SLC9B1: variants seen among roughly 807,000 people sequenced by gnomAD.
SLC9B1 encodes solute carrier family 9 member B1.
In SLC9B1, 32 loss-of-function variants were observed where a neutral mutation model predicts 51.7. The ratio of observed to expected loss-of-function variants is 0.62; its 90% confidence interval spans 0.47 to 0.83. The LOEUF (loss-of-function observed/expected upper bound fraction) is 0.83, where lower values mean the gene tolerates loss of function less well. Among genes scored for constraint, SLC9B1 ranks in the 40% least tolerant of loss-of-function variants. The pLI, the probability that SLC9B1 is intolerant of heterozygous loss-of-function variation, is 0.00. For synonymous variants in SLC9B1, 145 were observed against 212.7 expected, an observed-to-expected ratio of 0.68 and a Z score of 2.77; for missense variants, 406 against 613.2, an observed-to-expected ratio of 0.66 and a Z score of 3.57.
At chr4:102,927,012 T>C (rs1736219065) in intron 7 of SLC9B1, among the ~76,000 whole-genome samples, 1 of 152,226 alleles carries the variant, frequency 6.6e-6, no homozygotes, top group South Asian at 2.1e-4. Context: ...GGATTGCCTA[T>C]TTAATAAATG....
intron 7 of SLC9B1, among the ~76,000 whole-genome samples, chr4:102,918,588 T>TG (rs1248561117): frequency 6.6e-6 from 1 of 152,170 alleles, no homozygotes; most frequent in South Asian, 2.1e-4. Context: ...TATTAAGAGG[T>TG]GGGGCATTTT....
chr4:102,942,210 CACAA>C (rs1419237587), intron 6 of SLC9B1, among the ~76,000 whole-genome samples: 5 of 152,104 alleles, frequency 3.3e-5, no homozygotes, highest in African/African-American at 1.2e-4. Context: ...TCATAGATGA[CACAA>C]ACAAATAGAA....
intron 1 of SLC9B1, among the ~76,000 whole-genome samples, chr4:103,014,709 G>GT (rs1741234426): frequency 6.6e-6 from 1 of 152,134 alleles, no homozygotes; most frequent in Non-Finnish European, 1.5e-5. Flanking sequence ...TCTTTGCATT[G>GT]TAAGAGGCCA....
chr4:103,002,662 A>C (rs755229756), intron 1 of SLC9B1, among the ~76,000 whole-genome samples: 11 of 152,246 alleles, frequency 7.2e-5, no homozygotes, highest in Non-Finnish European at 1.5e-4. Flanking sequence ...GAAATAGCCC[A>C]TTGGAAATCA....
chr4:102,954,433 CTT>C lies in SLC9B1; in HGVS notation c.212-5008_212-5007del, dbSNP rs1005408601. On this transcript the variant is annotated intron_variant, in intron 3 of 11. Transcript: ENST00000296422. ...ATCAAGGATATTGGTCTAAAATTCT[CTT>C]TTTTGGTTGTGTCTCAGGCAAAAAT... 3.6e-5 allele frequency among the ~76,000 whole-genome samples: 2 copies of C among 55,426 alleles called. 1 individual carries two copies. Among genetic ancestry groups the C allele is most frequent in the African/African-American group, 2.2e-4 (2 of 9,252 alleles). The allele number at this position is 55,426 out of a possible 152,430, so 36.4% of individuals were successfully genotyped here.
intron 3 of SLC9B1, among the ~76,000 whole-genome samples, chr4:102,989,581 A>G (rs1464714660): frequency 1.3e-5 from 2 of 152,020 alleles, no homozygotes; most frequent in Non-Finnish European, 2.9e-5. Flanking sequence ...AAGTATGACA[A>G]ATATTAAAAC....
intron 7 of SLC9B1, among the ~76,000 whole-genome samples, chr4:102,927,531 T>C (rs1736248085): frequency 6.6e-6 from 1 of 152,082 alleles, no homozygotes; most frequent in Non-Finnish European, 1.5e-5. Context: ...TGAGATATCA[T>C]CTCATGCCAG....
chr4:102,985,896 C>G (rs867022233), intron 3 of SLC9B1, among the ~76,000 whole-genome samples: 2 of 152,074 alleles, frequency 1.3e-5, no homozygotes, highest in African/African-American at 4.8e-5. Context: ...ATTTCTAATT[C>G]CTCCCTCCCA....
intron 3 of SLC9B1, among the ~76,000 whole-genome samples, chr4:102,972,776 T>C (rs1424335599): frequency 1.3e-5 from 2 of 152,184 alleles, no homozygotes; most frequent in African/African-American, 4.8e-5. Flanking sequence ...GGTCTGTATA[T>C]TATACCTCAA....
At chr4:102,998,256 C>A (rs1740329366) in intron 1 of SLC9B1, among the ~76,000 whole-genome samples, 1 of 152,136 alleles carries the variant, frequency 6.6e-6, no homozygotes, top group African/African-American at 2.4e-5. Context: ...TTATATGATT[C>A]AAGTCATACA....
intron 3 of SLC9B1, among the ~76,000 whole-genome samples, chr4:102,967,158 A>T (rs574380152): frequency 1.6e-4 from 25 of 152,358 alleles, no homozygotes; most frequent in Admixed American, 1.6e-3. Flanking sequence ...ATGACTACTT[A>T]ACCAATCTCT....
At chr4:102,939,456 G>A (rs1394194651) in intron 6 of SLC9B1, among the ~76,000 whole-genome samples, 2 of 130,174 alleles carry the variant, frequency 1.5e-5, no homozygotes, top group Admixed American at 7.8e-5. Context: ...CAGATTCACA[G>A]ACAAATTCTA....
At chr4:102,893,300 A>AAAAAAAAAAAAAAAAAAAAAAAAAG (rs1314502030) in intron 11 of SLC9B1, among the ~76,000 whole-genome samples, 1 of 147,768 alleles carries the variant, frequency 6.8e-6, no homozygotes, top group Non-Finnish European at 1.5e-5. Flanking sequence ...AAAAAAAAAA[A>AAAAAAAAAAAAAAAAAAAAAAAAAG]AAAAAGAAAA....
At chr4:102,989,693 C>G in intron 3 of SLC9B1, 107 bp downstream of exon 3, 1 of 622,410 alleles carries the variant, frequency 1.6e-6, no homozygotes, top group Non-Finnish European at 2.5e-6. Flanking sequence ...AGCTGATCAT[C>G]TGATCTGGAG....
intron 3 of SLC9B1, among the ~76,000 whole-genome samples, chr4:102,970,919 A>G (rs1417325497): frequency 2.0e-5 from 3 of 152,234 alleles, no homozygotes; most frequent in African/African-American, 7.2e-5. Context: ...AAAGGGATCA[A>G]TGCAACAAGA....
chr4:102,985,649 G>T (rs1261438241), intron 3 of SLC9B1, among the ~76,000 whole-genome samples: 1 of 151,638 alleles, frequency 6.6e-6, no homozygotes, highest in Non-Finnish European at 1.5e-5. Flanking sequence ...TCAGCATCTT[G>T]AGTAGCTGGG....
At chr4:102,889,423 T>TATCA (rs1300026272) in intron 11 of SLC9B1, 3 of 152,208 alleles carry the variant, frequency 2.0e-5, no homozygotes, top group African/African-American at 7.2e-5. Context: ...TTGTAAAATC[T>TATCA]ATCACTGCAT....
intron 7 of SLC9B1, among the ~76,000 whole-genome samples, chr4:102,923,438 A>G (rs1231087617): frequency 6.6e-6 from 1 of 152,210 alleles, no homozygotes; most frequent in Non-Finnish European, 1.5e-5. Context: ...TATTTATGAC[A>G]AACCCACAGC....
chr4:102,970,144 A>C (rs574855885), intron 3 of SLC9B1, among the ~76,000 whole-genome samples: 1 of 152,326 alleles, frequency 6.6e-6, no homozygotes, highest in South Asian at 2.1e-4. Flanking sequence ...AAAACATCAC[A>C]AAGATACTCC....
Sources: gnomAD v4.1 joint callset for allele counts (sites outside exome capture counted in the v4.1 genomes callset) on GRCh38, gnomAD v4.1.1 for gene constraint, MANE v1.5 for transcripts, NCBI Gene and HGNC (gene_info 2026-07-23, HGNC 2026-07-21) for gene names.